SLAIN1: variants seen among roughly 807,000 people sequenced by gnomAD.
SLAIN1 encodes SLAIN motif-containing protein 1.
Under a neutral mutation model 55.4 loss-of-function variants are expected in SLAIN1, and 17 were observed. That is an observed-to-expected ratio of 0.31 (90% CI 0.21 to 0.46). The LOEUF is 0.46. SLAIN1 is among the 20% of genes least tolerant of loss of function. SLAIN1 has a pLI of 1.00. For missense variants in SLAIN1, 682 were observed against 785.1 expected (o/e 0.87, Z 1.57); for synonymous variants, 348 against 337.4 (o/e 1.03, Z -0.35).
chr13:77,704,278 A>G (rs868572811), intron 1 of SLAIN1, among the ~76,000 whole-genome samples: 1 of 138,286 alleles, frequency 7.2e-6, no homozygotes, highest in Non-Finnish European at 1.6e-5. Flanking sequence ...TATATAGAAA[A>G]TATATACATA....
intron 2 of SLAIN1, among the ~76,000 whole-genome samples, chr13:77,726,063 T>C (rs1169522708): frequency 6.6e-6 from 1 of 152,218 alleles, no homozygotes; most frequent in Non-Finnish European, 1.5e-5. Flanking sequence ...TGGACCTAGA[T>C]AACAAAACTT....
At chr13:77,752,980 A>T (rs1259392222) in intron 4 of SLAIN1, among the ~76,000 whole-genome samples, 1 of 152,160 alleles carries the variant, frequency 6.6e-6, no homozygotes, top group Non-Finnish European at 1.5e-5. Context: ...CAATCCAATC[A>T]AGTTGGCACT....
chr13:77,740,606 A>G (rs1299924057), intron 2 of SLAIN1, among the ~76,000 whole-genome samples: 3 of 147,406 alleles, frequency 2.0e-5, no homozygotes, highest in African/African-American at 7.5e-5. Context: ...AAAATGGATC[A>G]CCCATTTTTT....
chr13:77,703,254 A>C (rs1359078700), intron 1 of SLAIN1, among the ~76,000 whole-genome samples: 7 of 152,192 alleles, frequency 4.6e-5, no homozygotes, highest in African/African-American at 1.7e-4. Flanking sequence ...CAAATTAAGA[A>C]AAATTTAATG....
intron 1 of SLAIN1, among the ~76,000 whole-genome samples, chr13:77,719,218 T>C (rs183541089): frequency 3.5e-4 from 52 of 149,276 alleles, no homozygotes; most frequent in Non-Finnish European, 2.2e-4. Context: ...TCAATAGAGA[T>C]AGTAAGATCA....
intron 1 of SLAIN1, among the ~76,000 whole-genome samples, chr13:77,713,883 G>A (rs2091178787): frequency 6.6e-6 from 1 of 152,126 alleles, no homozygotes; most frequent in African/African-American, 2.4e-5. Context: ...GGACATGGAT[G>A]AAGCTGGAAA....
intron 2 of SLAIN1, among the ~76,000 whole-genome samples, chr13:77,738,937 T>C (rs1480907011): frequency 6.6e-6 from 1 of 152,112 alleles, no homozygotes; most frequent in East Asian, 1.9e-4. Flanking sequence ...TTTGTTGCCT[T>C]CTTGCATGGT....
At chr13:77,719,835 G>C (rs1253972297) in intron 2 of SLAIN1, among the ~76,000 whole-genome samples, 164 bp downstream of exon 2, 4 of 152,136 alleles carry the variant, frequency 2.6e-5, no homozygotes, top group Non-Finnish European at 5.9e-5. Context: ...CTTTCTCAAT[G>C]TAAGATGTGT....
At chr13:77,725,661 AG>A (rs2091300986) in intron 2 of SLAIN1, among the ~76,000 whole-genome samples, 1 of 152,154 alleles carries the variant, frequency 6.6e-6, no homozygotes, top group African/African-American at 2.4e-5. Flanking sequence ...AAATGTGGAG[AG>A]GGGCATAGCT....
chr13:77,724,469 C>T (rs1384520293), intron 2 of SLAIN1, among the ~76,000 whole-genome samples: 4 of 152,114 alleles, frequency 2.6e-5, no homozygotes, highest in South Asian at 2.1e-4. Flanking sequence ...TCTCCTGTCC[C>T]GTTCAGTCTT....
rs2154409055 is a variant in SLAIN1 at position 77,698,541 on chromosome 13, T to G, written c.626+2T>G. On this transcript the variant is annotated splice_donor_variant, in intron 1 of 6. Transcript: ENST00000418532. LOFTEE classifies it high-confidence loss of function. This position sits in a 1 kb window ranked among gnomAD's most constrained non-coding sequence, Gnocchi z 4.1. Reference sequence around the variant, plus strand: ...GCGGGACGAGGACGACTACACCTGGTACTGCCTGGCTCCGCTCCTTCCCCG... The same window carrying G: ...GCGGGACGAGGACGACTACACCTGGGACTGCCTGGCTCCGCTCCTTCCCCG... The G allele has an allele frequency of 7.0e-7, 1 of 1,435,436 alleles. No homozygotes were observed. The highest frequency in any genetic ancestry group is 2.8e-5 in the East Asian group (1 of 35,102). The allele number at this position is 1,435,436 out of a possible 1,614,324, so 88.9% of individuals were successfully genotyped here. A position where few individuals can be genotyped will look rare whatever the true frequency, so the allele number is the denominator to read the frequency against.
At chr13:77,748,394 A>C (rs901421069) in intron 4 of SLAIN1, among the ~76,000 whole-genome samples, 1 of 143,402 alleles carries the variant, frequency 7.0e-6, no homozygotes, top group African/African-American at 2.7e-5. Context: ...TTATTTCTCT[A>C]AAGCTTTTTT....
chr13:77,744,239 T>A, intron 2 of SLAIN1, 44 bp from the exon 3 acceptor site: 2 of 1,328,692 alleles, frequency 1.5e-6, no homozygotes, highest in Non-Finnish European at 2.2e-6. Flanking sequence ...TGTATAGATA[T>A]CAGTCCTGCA....
rs1306377231 is a variant in SLAIN1, at chr13:77,744,292, C to T, written c.776C>T (p.Ser259Phe). 6.2e-7 allele frequency: 1 copy of T among 1,612,186 alleles called. No homozygotes were observed. The highest frequency in any genetic ancestry group is 1.3e-5 in the African/African-American group (1 of 74,782). ...TTCCTTTGTGTTTCAGGTTACACTT[C>T]CAGGGGCTCCCCACTCAGTCCCCAG... The part of the protein sequence containing the change: ...LCFRLEQGYT[S>F]RGSPLSPQSS... The change falls in exon 3 of 7, where the codon TCC (serine) becomes TTC (phenylalanine). Residue 259 changes from serine (S) to phenylalanine (F), a missense_variant. This residue lies in a region of SLAIN1 where 401 missense variants were observed against 417.3 expected (regional missense o/e 0.96). Coordinates refer to ENST00000418532, the MANE Select transcript of SLAIN1 (RefSeq NM_001242868.2).
intron 1 of SLAIN1, among the ~76,000 whole-genome samples, chr13:77,714,437 C>T (rs1287988325): frequency 1.3e-5 from 2 of 152,060 alleles, no homozygotes; most frequent in Non-Finnish European, 2.9e-5. Context: ...CATAGGAAGA[C>T]CACATCTCTA....
At chr13:77,759,717 A>G (rs1273269334) in intron 5 of SLAIN1, among the ~76,000 whole-genome samples, 2 of 152,046 alleles carry the variant, frequency 1.3e-5, no homozygotes, top group African/African-American at 4.8e-5. Context: ...TTGGTTTTTA[A>G]TTCTGTTTAT....
Position 77,760,961 on chromosome 13 carries a change from C to T in SLAIN1, c.1548C>T (p.Asn516=), listed in dbSNP as rs200905096. 82 of 1,614,150 alleles carry T rather than the reference C, an allele frequency of 5.1e-5. No individual in the cohort carries two copies. Among genetic ancestry groups the T allele is most frequent in the Middle Eastern group, 1.7e-4 (1 of 6,058 alleles). Residue 516 remains asparagine, a synonymous_variant, in exon 6 of 7, where the codon AAC becomes AAT. Coordinates refer to ENST00000418532, the MANE Select transcript of SLAIN1 (RefSeq NM_001242868.2). ...GCAGCAGTAACATGCCTTTATCAAA[C>T]GGCTTACAGCTGTATTCCAACACAG... The part of the protein sequence containing the change: ...VQGSSNMPLS[N]GLQLYSNTGI...
In SLAIN1 at chr13:77,697,952, C is replaced by T; in HGVS notation, c.39C>T (p.Val13=). The change falls in exon 1 of 7, where the codon GTC becomes GTT. Residue 13 remains valine, a synonymous_variant. Coordinates refer to ENST00000418532, the MANE Select transcript of SLAIN1 (RefSeq NM_001242868.2). ...AEQVKCASAG[V]SSGAGSGPVV... ...AGGTGAAATGCGCCTCGGCAGGGGT[C>T]AGCTCTGGAGCGGGCTCCGGGCCGG... 1.4e-6 allele frequency: 2 copies of T among 1,438,516 alleles called. No individual in the cohort carries two copies. Among genetic ancestry groups the T allele is most frequent in the East Asian group, 3.3e-5 (1 of 30,308 alleles). 89.1% of individuals were successfully genotyped at this position (1,438,516 alleles called of 1,614,324 possible).
chr13:77,757,027 T>C (rs1874654867), intron 5 of SLAIN1, among the ~76,000 whole-genome samples: 1 of 152,184 alleles, frequency 6.6e-6, no homozygotes, highest in South Asian at 2.1e-4. Context: ...ATGTATATTA[T>C]GCTTCAGAAG....
Sources: allele counts gnomAD v4.1 joint callset (sites outside exome capture counted in the v4.1 genomes callset), GRCh38; gene constraint gnomAD v4.1.1; regional missense constraint gnomAD v4.1.1; non-coding constraint Gnocchi (gnomAD v3.1); transcripts MANE v1.5; gene names NCBI Gene and HGNC (gene_info 2026-07-23, HGNC 2026-07-21).